Variants in IPO9 observed in about 807,000 individuals in gnomAD.
IPO9 encodes the protein importin 9, also known as importin-9.
IPO9 carries 28 observed loss-of-function variants against 128.6 expected under a neutral mutation model. That is an observed-to-expected ratio of 0.22 (90% CI 0.16 to 0.30). The LOEUF is 0.30. Among genes scored for constraint, IPO9 ranks in the 10% least tolerant of loss-of-function variants. The pLI, the probability that IPO9 is intolerant of heterozygous loss-of-function variation, is 1.00. For synonymous variants in IPO9, 455 were observed against 475.8 expected, an observed-to-expected ratio of 0.96 and a Z score of 0.57; for missense variants, 935 against 1,293.9, an observed-to-expected ratio of 0.72 and a Z score of 4.26.
At chr1:201,853,585 C>G (rs555269515) in intron 6 of IPO9, among the ~76,000 whole-genome samples, 1 of 152,090 alleles carries the variant, frequency 6.6e-6, no homozygotes, top group South Asian at 2.1e-4. Flanking sequence ...AGATCTTGCT[C>G]TGTCACCCAG....
intron 4 of IPO9, among the ~76,000 whole-genome samples, chr1:201,849,722 G>T (rs765247887): frequency 1.2e-4 from 18 of 152,220 alleles, no homozygotes; most frequent in Non-Finnish European, 2.2e-4. Context: ...TCAGACCCCA[G>T]CTGCCTTTTT....
chr1:201,837,500 G>C (rs1052070801), intron 1 of IPO9, among the ~76,000 whole-genome samples: 2 of 152,078 alleles, frequency 1.3e-5, no homozygotes, highest in African/African-American at 4.8e-5. Flanking sequence ...TGTGAGCTGT[G>C]AGCCTCAGTA....
intron 11 of IPO9, among the ~76,000 whole-genome samples, chr1:201,857,669 C>T (rs1375106475): frequency 1.3e-5 from 2 of 152,074 alleles, no homozygotes; most frequent in Admixed American, 6.5e-5. Context: ...ATGGCGCATG[C>T]CTGTAATCCC....
intron 6 of IPO9, among the ~76,000 whole-genome samples, chr1:201,853,864 G>A (rs910192077): frequency 3.9e-5 from 6 of 152,196 alleles, no homozygotes; most frequent in Non-Finnish European, 8.8e-5. Flanking sequence ...TCAGCCTCCC[G>A]AGTAGCTGGG....
intron 16 of IPO9, among the ~76,000 whole-genome samples, chr1:201,869,077 C>G (rs1680605379): frequency 6.6e-6 from 1 of 151,984 alleles, no homozygotes; most frequent in South Asian, 2.1e-4. Context: ...GTGGTGAAAC[C>G]CTATCTCTAC....
At chr1:201,862,643 C>T (rs560341337) in intron 13 of IPO9, among the ~76,000 whole-genome samples, 5 of 151,678 alleles carry the variant, frequency 3.3e-5, no homozygotes, top group Admixed American at 6.6e-5. Context: ...CCCATCTCTA[C>T]TAAAAATACA....
chr1:201,880,195 TAAAAA>T lies in IPO9; in HGVS notation c.*4146_*4150del, dbSNP rs965122745. 6.6e-6 allele frequency: 1 copy of T among 151,022 alleles called. No individual in the cohort carries two copies. Among genetic ancestry groups the T allele is most frequent in the Non-Finnish European group, 1.5e-5 (1 of 67,714 alleles). 9.4% of individuals were successfully genotyped at this position (151,022 alleles called of 1,614,324 possible). A position where few individuals can be genotyped will look rare whatever the true frequency, so the allele number is the denominator to read the frequency against. On this transcript the variant is annotated 3_prime_UTR_variant, in exon 24 of 24. Coordinates refer to ENST00000361565, the MANE Select transcript of IPO9 (RefSeq NM_018085.5). Reference sequence around the variant, plus strand: ...ATACCTTGTCTCTTAAAATTTAAAATAAAAAAAAAGTTTATTATGCCAGGAACTGT... The same window carrying T: ...ATACCTTGTCTCTTAAAATTTAAAATAAAAGTTTATTATGCCAGGAACTGT...
Position 201,880,446 on chromosome 1 carries a change from G to C in IPO9, c.*4392G>C, listed in dbSNP as rs1248902636. On this transcript the variant is annotated 3_prime_UTR_variant, in exon 24 of 24. Transcript: ENST00000361565. ...AAATCGTGTCAAGGAAAAGAAGCTT[G>C]AAGGAGCTAAGAATGCTTAGCTTAG... is the stretch of plus-strand genomic sequence containing the variant. 2.0e-5 allele frequency: 3 copies of C among 152,232 alleles called. No individual in the cohort carries two copies. The highest frequency in any genetic ancestry group is 7.2e-5 in the African/African-American group (3 of 41,456). 9.4% of individuals were successfully genotyped at this position (152,232 alleles called of 1,614,324 possible). A position where few individuals can be genotyped will look rare whatever the true frequency, so the allele number is the denominator to read the frequency against.
At chr1:201,868,408 G>A (rs1428629080) in intron 15 of IPO9, among the ~76,000 whole-genome samples, 2 of 151,668 alleles carry the variant, frequency 1.3e-5, no homozygotes, top group African/African-American at 4.9e-5. Context: ...TGTTTTATGA[G>A]TAGCTGTTAA....
intron 14 of IPO9, among the ~76,000 whole-genome samples, chr1:201,866,477 C>CAAA (rs5780091): frequency 7.0e-6 from 1 of 142,580 alleles, no homozygotes. Context: ...TTTCAGGATG[C>CAAA]AAAAAAAAAA....
chr1:201,867,517 GA>G (rs1288901626), intron 15 of IPO9, among the ~76,000 whole-genome samples: 1 of 151,898 alleles, frequency 6.6e-6, no homozygotes, highest in Non-Finnish European at 1.5e-5. Flanking sequence ...TATAATAAAT[GA>G]AAAGATACTT....
chr1:201,858,883 G>A lies in IPO9; in HGVS notation c.1357G>A (p.Ala453Thr). ...GAAGATCCATGAGGCATGCATGCTT[G>A]CCCTAGGCTCAGTGAAGGCCATCAT... ...WWKIHEACML[A>T]LGSVKAIITD... is the part of the protein sequence containing the mutation. Residue 453 changes from alanine to threonine, a missense_variant, in exon 13 of 24, where the codon GCC becomes ACC. Ala to Thr is a moderately conservative substitution (Grantham distance 58). Transcript: ENST00000361565. 3 of 1,610,264 alleles carry A rather than the reference G, an allele frequency of 1.9e-6. No individual in the cohort carries two copies. Among genetic ancestry groups the A allele is most frequent in the South Asian group, 2.2e-5 (2 of 90,758 alleles).
intron 1 of IPO9, among the ~76,000 whole-genome samples, chr1:201,831,696 G>A (rs1679835542): frequency 6.6e-6 from 1 of 152,084 alleles, no homozygotes; most frequent in South Asian, 2.1e-4. Context: ...TTCTTTACCA[G>A]CCTCAACCCT....
At chr1:201,837,373 G>A (rs1679959085) in intron 1 of IPO9, among the ~76,000 whole-genome samples, 1 of 152,128 alleles carries the variant, frequency 6.6e-6, no homozygotes, top group South Asian at 2.1e-4. Flanking sequence ...GATGAGAAAG[G>A]ACCCTTAAGC....
At chr1:201,832,111 A>G (rs973702784) in intron 1 of IPO9, among the ~76,000 whole-genome samples, 2 of 151,522 alleles carry the variant, frequency 1.3e-5, no homozygotes, top group Non-Finnish European at 2.9e-5. Context: ...CATGTTGGCC[A>G]GGTTGTCTCG....
At chr1:201,862,795 A>G (rs1680473470) in intron 13 of IPO9, among the ~76,000 whole-genome samples, 2 of 150,338 alleles carry the variant, frequency 1.3e-5, no homozygotes, top group South Asian at 4.3e-4. Context: ...AACAAGAATG[A>G]AACTTCATCT....
chr1:201,873,740 T>G (rs1378667620), intron 20 of IPO9, among the ~76,000 whole-genome samples: 6 of 151,616 alleles, frequency 4.0e-5, no homozygotes, highest in Admixed American at 6.6e-5. Context: ...AGAGCAAAAC[T>G]CTGTCTGAAG....
Position 201,870,457 on chromosome 1 carries a change from C to G in IPO9, c.2134-126C>G. ...TAACTCCAGTGGTATGAGCCCACCACAAACATTATAGACTCACCGCTTTTA... is the reference window on the plus strand; with the variant it reads ...TAACTCCAGTGGTATGAGCCCACCAGAAACATTATAGACTCACCGCTTTTA... On this transcript the variant is annotated intron_variant, in intron 17 of 23. Coordinates refer to ENST00000361565, the MANE Select transcript of IPO9 (RefSeq NM_018085.5). The surrounding 1 kb of genome is among the most constrained non-coding windows in gnomAD (Gnocchi z 4.9). 9.4e-7 allele frequency: 1 copy of G among 1,068,076 alleles called. No individual in the cohort carries two copies. The highest frequency in any genetic ancestry group is 1.7e-5 in the South Asian group (1 of 60,206). The allele number at this position is 1,068,076 out of a possible 1,614,324, so 66.2% of individuals were successfully genotyped here. A position where few individuals can be genotyped will look rare whatever the true frequency, so the allele number is the denominator to read the frequency against.
At chr1:201,832,527 G>A (rs1413019721) in intron 1 of IPO9, among the ~76,000 whole-genome samples, 2 of 152,358 alleles carry the variant, frequency 1.3e-5, no homozygotes, top group East Asian at 3.9e-4. Context: ...CCAAAATGCT[G>A]AGATTACAGG....
Sources: gnomAD v4.1 joint callset for allele counts (sites outside exome capture counted in the v4.1 genomes callset) on GRCh38, gnomAD v4.1.1 for gene constraint, Gnocchi (gnomAD v3.1) non-coding constraint, MANE v1.5 for transcripts, NCBI Gene and HGNC (gene_info 2026-07-23, HGNC 2026-07-21) for gene names.